CFH: variants seen among roughly 807,000 people sequenced by gnomAD.
The protein encoded by CFH is H factor 1 (complement).
In CFH, 53 loss-of-function variants were observed where a neutral mutation model predicts 147.3. The ratio of observed to expected loss-of-function variants is 0.36; its 90% confidence interval spans 0.29 to 0.45. The LOEUF (loss-of-function observed/expected upper bound fraction) is 0.45. Among genes scored for constraint, CFH ranks in the 20% least tolerant of loss-of-function variants. The pLI, the probability that CFH is intolerant of heterozygous loss-of-function variation, is 1.00. For synonymous variants in CFH, 536 were observed against 489.4 expected, an observed-to-expected ratio of 1.10 and a Z score of -1.26; for missense variants, 1,380 against 1,498.0, an observed-to-expected ratio of 0.92 and a Z score of 1.30.
intron 20 of CFH, among the ~76,000 whole-genome samples, chr1:196,745,432 A>G (rs1170656060): frequency 1.3e-5 from 2 of 152,152 alleles, no homozygotes; most frequent in Non-Finnish European, 2.9e-5. Flanking sequence ...ATTATTAAGT[A>G]TATTCAGTGT....
intron 10 of CFH, among the ~76,000 whole-genome samples, chr1:196,715,020 T>A (rs80239240): frequency 6.6e-6 from 1 of 152,008 alleles, no homozygotes; most frequent in Non-Finnish European, 1.5e-5. Flanking sequence ...TATTCATGTA[T>A]ACTGTTTTCA....
intron 10 of CFH, among the ~76,000 whole-genome samples, chr1:196,715,139 C>A (rs1668837798): frequency 6.6e-6 from 1 of 151,670 alleles, no homozygotes; most frequent in South Asian, 2.1e-4. Flanking sequence ...TTAAGATTTT[C>A]TTATTATTAA....
In CFH at chr1:196,743,729, A is replaced by C. The variant is rs1238905725; in HGVS notation, c.3310+101A>C. The C allele has an allele frequency of 2.0e-6, 3 of 1,526,042 alleles. No homozygotes were observed. In the East Asian group the frequency reaches 6.8e-5, roughly 35 times the overall value. 94.5% of individuals were successfully genotyped at this position (1,526,042 alleles called of 1,614,324 possible). A position where few individuals can be genotyped will look rare whatever the true frequency, so the allele number is the denominator to read the frequency against. ...GTCATTTTTATTAATAGATTTTTCA[A>C]ATGCAAATAAAATGACTGATGGTGC... On this transcript the variant is annotated intron_variant, in intron 20 of 21. Transcript: ENST00000367429.
chr1:196,718,471 C>A (rs868225565), intron 11 of CFH, among the ~76,000 whole-genome samples: 1 of 151,952 alleles, frequency 6.6e-6, no homozygotes, highest in Non-Finnish European at 1.5e-5. Flanking sequence ...ATTCAAAGAT[C>A]ATAAAATCTG....
At chr1:196,675,907 C>T (rs1173942609) in intron 3 of CFH, 82 bp from the exon 4 acceptor site, 12 of 851,342 alleles carry the variant, frequency 1.4e-5, no homozygotes, top group Non-Finnish European at 2.4e-5. Context: ...TATGGAGTTT[C>T]TGGACACTCA....
chr1:196,710,626 C>T (rs975514210), intron 9 of CFH, among the ~76,000 whole-genome samples: 22 of 152,120 alleles, frequency 1.4e-4, no homozygotes, highest in South Asian at 2.1e-4. Context: ...TCAGCATGTT[C>T]GTATGTGCAA....
chr1:196,695,465 A>G (rs755595639), intron 9 of CFH, among the ~76,000 whole-genome samples: 3 of 151,914 alleles, frequency 2.0e-5, no homozygotes. Flanking sequence ...GTGCTTTTTG[A>G]TTAGGATTGT....
intron 17 of CFH, among the ~76,000 whole-genome samples, chr1:196,738,891 C>T (rs1190492383): frequency 2.6e-5 from 4 of 152,172 alleles, no homozygotes; most frequent in Non-Finnish European, 5.9e-5. Context: ...CATGTGGGCT[C>T]CCCCCTGCAG....
chr1:196,689,854 A>G (rs902666609), intron 8 of CFH, among the ~76,000 whole-genome samples: 6 of 152,108 alleles, frequency 3.9e-5, no homozygotes, highest in African/African-American at 1.4e-4. Context: ...TCTATTAATT[A>G]TAAAAACTAA....
intron 9 of CFH, among the ~76,000 whole-genome samples, chr1:196,703,580 G>T (rs750309412): frequency 2.6e-5 from 4 of 152,058 alleles, no homozygotes; most frequent in Non-Finnish European, 5.9e-5. Context: ...TTAAATATCT[G>T]GTGGTCTAAA....
Position 196,684,056 on chromosome 1 carries a change from C to T in CFH, c.791-1008C>T, listed in dbSNP as rs560621635. Among the ~76,000 whole-genome samples the T allele has an allele frequency of 6.6e-5, 10 of 151,864 alleles. No individual in the cohort carries two copies. The East Asian group carries it at 9.7e-4, about 15-fold the overall frequency. On this transcript the variant is annotated intron_variant, in intron 6 of 21. Transcript: ENST00000367429. ...AAATGCATAGTATTTTATCTTAAAACGAATTTTGCAAATGGATCCAATATT... is the reference window on the plus strand; with the variant it reads ...AAATGCATAGTATTTTATCTTAAAATGAATTTTGCAAATGGATCCAATATT...
chr1:196,744,963 A>G (rs1023566419), intron 20 of CFH, among the ~76,000 whole-genome samples: 3 of 152,156 alleles, frequency 2.0e-5, no homozygotes, highest in Admixed American at 6.5e-5. Flanking sequence ...GTCACTGGAT[A>G]TCAAATTTGG....
intron 1 of CFH, among the ~76,000 whole-genome samples, chr1:196,666,228 AG>A (rs1667080447): frequency 6.6e-6 from 1 of 152,188 alleles, no homozygotes; most frequent in South Asian, 2.1e-4. Context: ...TTGAACTTGG[AG>A]GGTGATTTAT....
At chr1:196,735,802 T>A (rs1159301902) in intron 15 of CFH, among the ~76,000 whole-genome samples, 4 of 152,172 alleles carry the variant, frequency 2.6e-5, no homozygotes, top group African/African-American at 9.6e-5. Flanking sequence ...TTGATAAATA[T>A]GAAATACTTT....
At chr1:196,684,052 A>T (rs994392593) in intron 6 of CFH, among the ~76,000 whole-genome samples, 2 of 151,956 alleles carry the variant, frequency 1.3e-5, no homozygotes, top group African/African-American at 4.8e-5. Flanking sequence ...ATTTTATCTT[A>T]AAACGAATTT....
At chr1:196,738,861 A>G (rs1022497689) in intron 17 of CFH, among the ~76,000 whole-genome samples, 3 of 152,296 alleles carry the variant, frequency 2.0e-5, no homozygotes, top group African/African-American at 7.2e-5. Context: ...CCTTTCCTCA[A>G]TGGCCTAGCA....
intron 9 of CFH, among the ~76,000 whole-genome samples, chr1:196,693,423 G>C (rs971605081): frequency 3.9e-5 from 6 of 152,050 alleles, no homozygotes; most frequent in African/African-American, 1.4e-4. Context: ...AGAGAAAAAA[G>C]CTGCACTAGT....
At chr1:196,705,215 G>A (rs887364209) in intron 9 of CFH, among the ~76,000 whole-genome samples, 2 of 149,578 alleles carry the variant, frequency 1.3e-5, no homozygotes, top group Admixed American at 6.6e-5. Flanking sequence ...TTTTTTGTCT[G>A]GATGGGGATC....
intron 14 of CFH, among the ~76,000 whole-genome samples, chr1:196,727,316 A>G (rs1558179370): frequency 6.6e-6 from 1 of 152,082 alleles, no homozygotes; most frequent in Non-Finnish European, 1.5e-5. Flanking sequence ...AGTGTGGGCA[A>G]TATAGCAAAA....
Sources: allele counts gnomAD v4.1 joint callset (sites outside exome capture counted in the v4.1 genomes callset), GRCh38; gene constraint gnomAD v4.1.1; transcripts MANE v1.5; gene names NCBI Gene and HGNC (gene_info 2026-07-23, HGNC 2026-07-21).